The following ITGB6 variants were observed in gnomAD, a reference collection of about 807,000 sequenced individuals.
ITGB6 encodes the protein integrin beta-6.
Under a neutral mutation model 84.5 loss-of-function variants are expected in ITGB6, and 80 were observed. The observed-to-expected ratio is 0.95, with a 90% CI of 0.79 to 1.14. The LOEUF is 1.14. ITGB6 is among the 50% of genes most tolerant of loss of function. The probability of loss-of-function intolerance (pLI) is 0.00; values close to 1 mark genes in which losing one functional copy is unlikely to be tolerated. For missense variants in ITGB6, 1,006 were observed against 968.0 expected, an observed-to-expected ratio of 1.04 and a Z score of -0.52; for synonymous variants, 383 against 354.9, an observed-to-expected ratio of 1.08 and a Z score of -0.89.
chr2:160,172,482 G>A (rs1685244839), intron 6 of ITGB6, 87 bp downstream of exon 6: 3 of 1,245,298 alleles, frequency 2.4e-6, no homozygotes, highest in East Asian at 2.4e-5. Flanking sequence ...TTCACCAAGT[G>A]TATGTTATTT....
intron 14 of ITGB6, among the ~76,000 whole-genome samples, chr2:160,104,444 C>T (rs1335124858): frequency 6.6e-6 from 1 of 152,206 alleles, no homozygotes; most frequent in African/African-American, 2.4e-5. Flanking sequence ...ATCCACTGCT[C>T]AGAAAAGGTC....
At chr2:160,167,975 TG>T (rs1286432752) in intron 7 of ITGB6, among the ~76,000 whole-genome samples, 1 of 105,916 alleles carries the variant, frequency 9.4e-6, no homozygotes, top group Non-Finnish European at 1.9e-5. Context: ...CTATTGTATT[TG>T]GGGGTATTTT....
chr2:160,193,749 C>A (rs1470211981), intron 4 of ITGB6, among the ~76,000 whole-genome samples: 1 of 152,142 alleles, frequency 6.6e-6, no homozygotes, highest in East Asian at 1.9e-4. Context: ...AACATAAAAT[C>A]CAAGTGTCAA....
At chr2:160,173,751 G>C (rs1376345746) in intron 5 of ITGB6, among the ~76,000 whole-genome samples, 1 of 151,962 alleles carries the variant, frequency 6.6e-6, no homozygotes, top group Non-Finnish European at 1.5e-5. Flanking sequence ...TTCCCAACAC[G>C]ACAATTTTCT....
At chr2:160,132,777 G>A (rs754696780) in intron 10 of ITGB6, among the ~76,000 whole-genome samples, 20 of 152,070 alleles carry the variant, frequency 1.3e-4, no homozygotes, top group African/African-American at 2.7e-4. Flanking sequence ...ACAATATATC[G>A]TTAAACTATA....
chr2:160,104,770 A>G (rs999744779), intron 14 of ITGB6, among the ~76,000 whole-genome samples: 3 of 152,154 alleles, frequency 2.0e-5, no homozygotes, highest in African/African-American at 7.2e-5. Context: ...AATATGTTTC[A>G]TTTGTGTTTT....
rs377173940 is a variant in ITGB6 at position 160,170,042 on chromosome 2, T to C, written c.922-735A>G. ...AATATTATGTGGCATTTGCCCATTA[T>C]ATGAATCTAAATGTGAATAATGTAC... On this transcript the variant is annotated intron_variant, in intron 6 of 14. Transcript: ENST00000283249. Among the ~76,000 whole-genome samples the C allele has an allele frequency of 1.4e-4, 21 of 152,362 alleles. No individual in the cohort carries two copies. The South Asian group carries it at 4.3e-3, about 32-fold the overall frequency.
At chr2:160,111,998 C>T in intron 13 of ITGB6, 82 bp downstream of exon 13, 1 of 1,396,604 alleles carries the variant, frequency 7.2e-7, no homozygotes, top group Non-Finnish European at 9.9e-7. Flanking sequence ...TCCTGGCATG[C>T]TACCCAGAGC....
intron 4 of ITGB6, among the ~76,000 whole-genome samples, chr2:160,175,755 C>A (rs564094269): frequency 1.3e-5 from 2 of 152,096 alleles, no homozygotes; most frequent in African/African-American, 4.8e-5. Flanking sequence ...TTACATGTGG[C>A]GTCTTTAAAT....
intron 2 of ITGB6, among the ~76,000 whole-genome samples, chr2:160,198,046 C>CTGAAAAATGCATTTAAA (rs1686409861): frequency 1.3e-5 from 2 of 152,152 alleles, no homozygotes; most frequent in Admixed American, 1.3e-4. Context: ...TAAGTAAATG[C>CTGAAAAATGCATTTAAA]TGAAAAATGC....
intron 5 of ITGB6, 78 bp downstream of exon 5, chr2:160,173,895 CT>C: frequency 8.0e-7 from 1 of 1,242,252 alleles, no homozygotes; most frequent in Non-Finnish European, 1.1e-6. Flanking sequence ...AGGAAATTAG[CT>C]AATCTTTTTG....
intron 8 of ITGB6, among the ~76,000 whole-genome samples, chr2:160,139,949 G>A (rs1440798701): frequency 1.3e-5 from 2 of 152,010 alleles, no homozygotes; most frequent in Non-Finnish European, 2.9e-5. Context: ...TATCAATACG[G>A]CACTGTAAAA....
intron 12 of ITGB6, among the ~76,000 whole-genome samples, chr2:160,115,336 C>T (rs1682719447): frequency 6.6e-6 from 1 of 152,068 alleles, no homozygotes; most frequent in Non-Finnish European, 1.5e-5. Context: ...TTGCGGTTCA[C>T]CAAGATCCAC....
chr2:160,101,838 GAAAA>G lies in ITGB6; in HGVS notation c.2269-8_2269-5del, dbSNP rs5835793. ...CTCTGTAGAGTGGATTGGTTCCCTG[GAAAA>G]AAAAAAAAGATTCAAGTGAAAGTAT... On this transcript the variant is annotated splice_polypyrimidine_tract_variant and splice_region_variant and intron_variant, in intron 14 of 14. Coordinates refer to ENST00000283249, the MANE Select transcript of ITGB6 (RefSeq NM_000888.5). 7 of 1,123,484 alleles carry G rather than the reference GAAAA, an allele frequency of 6.2e-6. No homozygotes were observed. The highest frequency in any genetic ancestry group is 9.1e-6 in the Non-Finnish European group (7 of 768,718). The allele number at this position is 1,123,484 out of a possible 1,614,324, so 69.6% of individuals were successfully genotyped here.
At chr2:160,179,636 G>C (rs1685581137) in intron 4 of ITGB6, among the ~76,000 whole-genome samples, 2 of 149,292 alleles carry the variant, frequency 1.3e-5, no homozygotes, top group African/African-American at 4.9e-5. Flanking sequence ...CAGGTGATCT[G>C]CCCACCTCGG....
chr2:160,151,988 A>T (rs1684442291), intron 7 of ITGB6, among the ~76,000 whole-genome samples: 2 of 152,218 alleles, frequency 1.3e-5, no homozygotes, highest in South Asian at 4.1e-4. Flanking sequence ...CCAGGATCAG[A>T]CGAATTCACA....
At chr2:160,147,432 A>G (rs1684240716) in intron 7 of ITGB6, among the ~76,000 whole-genome samples, 1 of 152,232 alleles carries the variant, frequency 6.6e-6, no homozygotes, top group Non-Finnish European at 1.5e-5. Flanking sequence ...GATTTAATGC[A>G]ATGCCAATCA....
At chr2:160,165,339 C>T (rs545093100) in intron 7 of ITGB6, among the ~76,000 whole-genome samples, 26 of 152,290 alleles carry the variant, frequency 1.7e-4, no homozygotes, top group Non-Finnish European at 3.7e-4. Flanking sequence ...GAAATCTTCC[C>T]GCCCAGTCTT....
chr2:160,138,282 G>T, intron 8 of ITGB6, 83 bp from the exon 9 acceptor site: 1 of 1,333,500 alleles, frequency 7.5e-7, no homozygotes, highest in Non-Finnish European at 1.0e-6. Flanking sequence ...CATGTTCATT[G>T]AACTACAAAT....
Sources: gnomAD v4.1 joint callset for allele counts (sites outside exome capture counted in the v4.1 genomes callset) on GRCh38, gnomAD v4.1.1 for gene constraint, MANE v1.5 for transcripts, NCBI Gene and HGNC (gene_info 2026-07-23, HGNC 2026-07-21) for gene names.